Variants in FBXW10B observed in about 807,000 individuals in gnomAD.
FBXW10B encodes F-box and WD repeat domain containing 10B.
At chr17:15,572,858 G>A in the FBXW10B span, 6 of 151,440 alleles carry the variant, frequency 4.0e-5, no homozygotes, top group African/African-American at 1.5e-4. Flanking sequence ...TCCATGTGCA[G>A]TGGGAGAAGC....
chr17:15,614,274 T>C, the FBXW10B span, among the ~76,000 whole-genome samples: 45,771 of 151,422 alleles, frequency 0.3, 7,359 homozygotes, highest in African/African-American at 0.41. Context: ...CTGCAAGCTC[T>C]GCCTCCCGGG....
the FBXW10B span, chr17:15,612,817 A>G: frequency 6.2e-7 from 1 of 1,610,854 alleles, no homozygotes; most frequent in East Asian, 2.2e-5. Flanking sequence ...CCTCTTGTAT[A>G]GGACCCCTGG....
At chr17:15,580,428 C>T in the FBXW10B span, among the ~76,000 whole-genome samples, 3 of 150,810 alleles carry the variant, frequency 2.0e-5, no homozygotes, top group South Asian at 2.1e-4. Flanking sequence ...AGAGCACCAA[C>T]GTTTAAAAAA....
chr17:15,605,723 C>G, the FBXW10B span, among the ~76,000 whole-genome samples: 1 of 151,798 alleles, frequency 6.6e-6, no homozygotes, highest in Non-Finnish European at 1.5e-5. Flanking sequence ...TGTGGCATTG[C>G]CCGGATTTAA....
At chr17:15,594,984 C>A in the FBXW10B span, 4 of 1,549,084 alleles carry the variant, frequency 2.6e-6, no homozygotes, top group South Asian at 4.9e-5. Flanking sequence ...AAGCCACCCC[C>A]CAACCAATCT....
At chr17:15,596,424 C>T in the FBXW10B span, 1 of 1,335,398 alleles carries the variant, frequency 7.5e-7, no homozygotes. Context: ...TACTCAGTTA[C>T]TCTAGGATGA....
chr17:15,613,683 T>C, the FBXW10B span: 4 of 1,602,398 alleles, frequency 2.5e-6, no homozygotes, highest in Non-Finnish European at 3.4e-6. Context: ...TGTTGAGCCA[T>C]GGCGGCCCAG....
chr17:15,584,119 A>G, the FBXW10B span, among the ~76,000 whole-genome samples: 2 of 152,246 alleles, frequency 1.3e-5, no homozygotes, highest in Middle Eastern at 3.2e-3. Context: ...AATTTCTTCT[A>G]ACCAGAGCTG....
the FBXW10B span, among the ~76,000 whole-genome samples, chr17:15,597,053 T>TA: frequency 0.16 from 23,624 of 143,218 alleles, 1,953 homozygotes; most frequent in East Asian, 0.23. Context: ...CAGGTAAAAT[T>TA]AAAAAAAAAA....
At chr17:15,598,503 T>G in the FBXW10B span, 5 of 1,613,610 alleles carry the variant, frequency 3.1e-6, no homozygotes, top group Non-Finnish European at 3.4e-6. Context: ...GGGAAACTTC[T>G]TAGAAAATTT....
At chr17:15,588,408 T>A in the FBXW10B span, 1 of 191,836 alleles carries the variant, frequency 5.2e-6, no homozygotes, top group East Asian at 1.2e-4. Context: ...TCTGCCCAAA[T>A]CTTCCAATAT....
chr17:15,587,588 G>A, the FBXW10B span, among the ~76,000 whole-genome samples: 1 of 151,498 alleles, frequency 6.6e-6, no homozygotes. Context: ...TCCAGCTGCT[G>A]GGCTCTCCTC....
the FBXW10B span, among the ~76,000 whole-genome samples, chr17:15,570,826 T>A: frequency 6.6e-6 from 1 of 152,208 alleles, no homozygotes; most frequent in Non-Finnish European, 1.5e-5. Context: ...GAAACTGGGC[T>A]CGGCAGAGGA....
chr17:15,593,448 C>T, the FBXW10B span: 1 of 1,614,132 alleles, frequency 6.2e-7, no homozygotes, highest in Non-Finnish European at 8.5e-7. Context: ...GCCATCTGCA[C>T]AGGCGCTGAT....
At chr17:15,607,782 A>G in the FBXW10B span, 31 of 1,137,794 alleles carry the variant, frequency 2.7e-5, no homozygotes, top group East Asian at 5.2e-5. Context: ...CAGGGCTCAC[A>G]GATTCTTCCT....
the FBXW10B span, chr17:15,607,571 T>A: frequency 1.2e-6 from 2 of 1,611,952 alleles, no homozygotes; most frequent in Non-Finnish European, 1.7e-6. Context: ...CCCCAGTACC[T>A]ACGTGTCAGA....
chr17:15,589,437 C>G, the FBXW10B span, among the ~76,000 whole-genome samples: 136 of 151,922 alleles, frequency 9.0e-4, 2 homozygotes, highest in African/African-American at 3.1e-3. Context: ...GGAGAAGGTA[C>G]CTGGAGCTGG....
the FBXW10B span, among the ~76,000 whole-genome samples, chr17:15,587,762 T>G: frequency 2.0e-5 from 3 of 152,132 alleles, no homozygotes; most frequent in Non-Finnish European, 4.4e-5. Context: ...GGGTAAAGTC[T>G]GCCTCTCTAG....
the FBXW10B span, among the ~76,000 whole-genome samples, chr17:15,614,314 G>A: frequency 6.6e-6 from 1 of 151,830 alleles, no homozygotes; most frequent in Non-Finnish European, 1.5e-5. Flanking sequence ...TCAGCCTCCT[G>A]AGTAGCTGGG....
Sources: gnomAD v4.1 joint callset for allele counts (sites outside exome capture counted in the v4.1 genomes callset) on GRCh38, gnomAD v4.1.1 for gene constraint, MANE v1.5 for transcripts, NCBI Gene and HGNC (gene_info 2026-07-23, HGNC 2026-07-21) for gene names.